Variants in PDYN observed in about 807,000 individuals in gnomAD.
PDYN encodes the protein prodynorphin, also known as proenkephalin-B.
A neutral mutation model predicts 11.4 loss-of-function variants in PDYN; 5 were observed. The observed-to-expected ratio is 0.44, with a 90% CI of 0.23 to 0.92. The LOEUF (loss-of-function observed/expected upper bound fraction) is 0.92, where lower values mean the gene tolerates loss of function less well. Among genes scored for constraint, PDYN ranks in the 40% least tolerant of loss-of-function variants. PDYN has a pLI of 0.24. For missense variants in PDYN, 337 were observed against 317.3 expected, an observed-to-expected ratio of 1.06 and a Z score of -0.47; for synonymous variants, 132 against 129.5, an observed-to-expected ratio of 1.02 and a Z score of -0.13.
chr20:1,985,127 C>A (rs1988102649), intron 2 of PDYN, among the ~76,000 whole-genome samples: 1 of 152,126 alleles, frequency 6.6e-6, no homozygotes, highest in African/African-American at 2.4e-5. Context: ...CCTCCAACTT[C>A]CCCATCCCTG....
At position 1,978,892 on chromosome 20, in the gene PDYN, A is replaced by G. The variant is rs562699348; in HGVS notation, c.*1431T>C. ...ACACAAAATAACTCTAAAACAATCT[A>G]TCCATTTCAGAACATCATCAGATAC... On this transcript the variant is annotated 3_prime_UTR_variant, in exon 4 of 4. Transcript: ENST00000217305. 2 of 152,226 alleles carry G rather than the reference A, an allele frequency of 1.3e-5. No individual in the cohort carries two copies. Among genetic ancestry groups the G allele is most frequent in the Non-Finnish European group, 1.5e-5 (1 of 68,030 alleles). The allele number at this position is 152,226 out of a possible 1,614,324, so 9.4% of individuals were successfully genotyped here.
At chr20:1,988,795 C>T (rs1988306676) in intron 2 of PDYN, among the ~76,000 whole-genome samples, 1 of 152,200 alleles carries the variant, frequency 6.6e-6, no homozygotes, top group Non-Finnish European at 1.5e-5. Context: ...TGATTCTCCC[C>T]TAACAGGTGG....
rs1336449321 is a variant in PDYN, at chr20:1,980,131, C to G, written c.*192G>C. 7.4e-6 allele frequency: 5 copies of G among 679,562 alleles called. No homozygotes were observed. The highest frequency in any genetic ancestry group is 1.7e-5 in the South Asian group (1 of 58,808). The allele number at this position is 679,562 out of a possible 1,614,324, so 42.1% of individuals were successfully genotyped here. On this transcript the variant is annotated 3_prime_UTR_variant, in exon 4 of 4. Transcript: ENST00000217305. ...GCCTATTGTGGGGAAGGGACATCCA[C>G]CCTTCCCCATCACAGACCCCAGAGA...
Position 1,980,463 on chromosome 20 carries a change from C to T in PDYN, c.625G>A (p.Gly209Ser). 6.2e-7 allele frequency: 1 copy of T among 1,613,168 alleles called. No individual in the cohort carries two copies. The highest frequency in any genetic ancestry group is 1.1e-5 in the South Asian group (1 of 91,078). The change falls in exon 4 of 4, where the codon GGC becomes AGC. Residue 209 changes from glycine (G) to serine (S), a missense_variant. By Grantham distance (56) the Gly-to-Ser change is moderately conservative. Coordinates refer to ENST00000217305, the MANE Select transcript of PDYN (RefSeq NM_024411.5). ...TTGGGACGAATGCGCCGCAAGAAGC[C>T]CCCATAGCGTTTGTACAGGTCCTCA... Reference protein sequence around the residue: ...GHEDLYKRYGGFLRRIRPKLK... With the variant: ...GHEDLYKRYGSFLRRIRPKLK...
At chr20:1,991,868 T>G (rs1988464101) in intron 2 of PDYN, among the ~76,000 whole-genome samples, 1 of 151,964 alleles carries the variant, frequency 6.6e-6, no homozygotes, top group Admixed American at 6.5e-5. Context: ...GCAGATGAAA[T>G]AAAAAGTCTT....
chr20:1,990,316 T>C (rs73075249), intron 2 of PDYN, among the ~76,000 whole-genome samples: 15,448 of 152,224 alleles, frequency 0.1, 814 homozygotes, highest in Middle Eastern at 0.16. Context: ...GTCTTTCGGA[T>C]AACCTCCCAA....
At chr20:1,981,931 A>T (rs867119392) in intron 3 of PDYN, among the ~76,000 whole-genome samples, 103 of 143,656 alleles carry the variant, frequency 7.2e-4, no homozygotes, top group African/African-American at 2.6e-3. Flanking sequence ...GTCTCAAACA[A>T]AAATAAATAA....
At chr20:1,986,094 T>C (rs1988168409) in intron 2 of PDYN, among the ~76,000 whole-genome samples, 1 of 152,216 alleles carries the variant, frequency 6.6e-6, no homozygotes, top group Admixed American at 6.5e-5. Flanking sequence ...CTGAAGGTAA[T>C]GAAGTACTCA....
chr20:1,980,398 G>T lies in PDYN; in HGVS notation c.690C>A (p.Leu230=), dbSNP rs1420860612. ...GAGTCACCACCTTGAACTGGCGCCG[G>T]AGAAAACCGCCATAGCGCTTCTGGT... The part of the protein sequence containing the change: ...WDNQKRYGGF[L]RRQFKVVTRS... The change falls in exon 4 of 4, where the codon CTC becomes CTA. Residue 230 remains leucine, a synonymous_variant. Transcript: ENST00000217305. 1 of 1,614,132 alleles carries T rather than the reference G, an allele frequency of 6.2e-7. No individual in the cohort carries two copies. Among genetic ancestry groups the T allele is most frequent in the Non-Finnish European group, 8.5e-7 (1 of 1,180,026 alleles).
intron 2 of PDYN, among the ~76,000 whole-genome samples, chr20:1,991,401 T>C (rs1297743667): frequency 2.6e-5 from 4 of 152,222 alleles, no homozygotes; most frequent in African/African-American, 9.6e-5. Context: ...CCAAGCCATG[T>C]GCCTCATGGA....
At chr20:1,990,289 C>T (rs1457600386) in intron 2 of PDYN, among the ~76,000 whole-genome samples, 1 of 152,158 alleles carries the variant, frequency 6.6e-6, no homozygotes. Flanking sequence ...ATCCTGAGGC[C>T]TAAATATGTA....
At position 1,978,791 on chromosome 20, in the gene PDYN, G is replaced by A. The variant is rs886056528; in HGVS notation, c.*1532C>T. 1 of 152,152 alleles carries A rather than the reference G, an allele frequency of 6.6e-6. No individual in the cohort carries two copies. Among genetic ancestry groups the A allele is most frequent in the Admixed American group, 6.5e-5 (1 of 15,278 alleles). 9.4% of individuals were successfully genotyped at this position (152,152 alleles called of 1,614,324 possible). On this transcript the variant is annotated 3_prime_UTR_variant, in exon 4 of 4. Coordinates refer to ENST00000217305, the MANE Select transcript of PDYN (RefSeq NM_024411.5). ...CTTTCTTTTATTTATTGTACTGGAGGAGCAGGAAATTACACAAGCCTATTA... is the reference window on the plus strand; with the variant it reads ...CTTTCTTTTATTTATTGTACTGGAGAAGCAGGAAATTACACAAGCCTATTA...
At chr20:1,991,558 C>T (rs1173962206) in intron 2 of PDYN, among the ~76,000 whole-genome samples, 1 of 152,248 alleles carries the variant, frequency 6.6e-6, no homozygotes, top group Non-Finnish European at 1.5e-5. Context: ...AGCCGATGTT[C>T]ACTGCCTACC....
Position 1,980,075 on chromosome 20 carries a change from T to G in PDYN, c.*248A>C. 1.8e-6 allele frequency: 1 copy of G among 561,664 alleles called. No individual in the cohort carries two copies. 34.8% of individuals were successfully genotyped at this position (561,664 alleles called of 1,614,324 possible). On this transcript the variant is annotated 3_prime_UTR_variant, in exon 4 of 4. Transcript: ENST00000217305. ...GCTGCTGCTGCCGCTGCTGATAGTTTTAGAGTCTAGGTGTCTGAGCCAAGC... is the reference window on the plus strand; with the variant it reads ...GCTGCTGCTGCCGCTGCTGATAGTTGTAGAGTCTAGGTGTCTGAGCCAAGC...
At chr20:1,992,167 A>G (rs1240392226) in intron 2 of PDYN, among the ~76,000 whole-genome samples, 2 of 152,176 alleles carry the variant, frequency 1.3e-5, no homozygotes, top group Non-Finnish European at 2.9e-5. Flanking sequence ...TCATACAGGT[A>G]AAGAAAGTAT....
In PDYN at chr20:1,980,581, C is replaced by T. The variant is rs779753335; in HGVS notation, c.507G>A (p.Lys169=). ...AGCCCCCATAGCGTTTGACCTGCTCCTTGGGGTCCTCCTCAGCGAGATAGA... is the reference window on the plus strand; with the variant it reads ...AGCCCCCATAGCGTTTGACCTGCTCTTTGGGGTCCTCCTCAGCGAGATAGA... The part of the protein sequence containing the change: ...GTLYLAEEDP[K]EQVKRYGGFL... Residue 169 remains lysine (K), a synonymous_variant, in exon 4 of 4, where the codon AAG becomes AAA. Coordinates refer to ENST00000217305, the MANE Select transcript of PDYN (RefSeq NM_024411.5). The T allele has an allele frequency of 5.0e-6, 8 of 1,614,184 alleles. No individual in the cohort carries two copies. The South Asian group carries it at 7.7e-5, about 16-fold the overall frequency.
intron 3 of PDYN, among the ~76,000 whole-genome samples, chr20:1,981,969 CT>C (rs1341138291): frequency 8.7e-6 from 1 of 115,484 alleles, no homozygotes; most frequent in Non-Finnish European, 1.7e-5. Flanking sequence ...TAAATAATAA[CT>C]TCTGGCATGG....
Position 1,980,481 on chromosome 20 carries a change from G to A in PDYN, c.607C>T (p.Leu203=), listed in dbSNP as rs1185514961. The change falls in exon 4 of 4, where the codon CTG becomes TTG. Residue 203 remains leucine (L), a synonymous_variant. Coordinates refer to ENST00000217305, the MANE Select transcript of PDYN (RefSeq NM_024411.5). ...GDGDSMGHED[L]YKRYGGFLRR... is the part of the protein sequence containing the mutation. The stretch of plus-strand genomic sequence containing the variant: ...AAGAAGCCCCCATAGCGTTTGTACA[G>A]GTCCTCATGGCCCATGCTATCCCCG... 15 of 1,613,156 alleles carry A rather than the reference G, an allele frequency of 9.3e-6. No homozygotes were observed. The highest frequency in any genetic ancestry group is 1.3e-5 in the Non-Finnish European group (15 of 1,179,310).
At position 1,983,129 on chromosome 20, in the gene PDYN, T is replaced by C. The variant is rs780677956; in HGVS notation, c.-19-26A>G. The C allele has an allele frequency of 5.0e-6, 8 of 1,593,668 alleles. No individual in the cohort carries two copies. In the Admixed American group the frequency reaches 5.1e-5, roughly 10 times the overall value. ...CTGGGGAGGAAGAAAGAGAAGATAA[T>C]GAAATCTGTGATCACCACTCTGTAG... On this transcript the variant is annotated intron_variant, in intron 2 of 3. Transcript: ENST00000217305.
Sources: allele counts gnomAD v4.1 joint callset (sites outside exome capture counted in the v4.1 genomes callset), GRCh38; gene constraint gnomAD v4.1.1; transcripts MANE v1.5; gene names NCBI Gene and HGNC (gene_info 2026-07-23, HGNC 2026-07-21).